Variants in FAM124B observed in about 807,000 individuals in gnomAD.
FAM124B encodes the protein family with sequence similarity 124 member B.
FAM124B carries 18 observed loss-of-function variants against 19.7 expected under a neutral mutation model. The ratio of observed to expected loss-of-function variants is 0.92; its 90% CI spans 0.63 to 1.36. FAM124B has a LOEUF of 1.36. Among genes scored for constraint, FAM124B ranks in the 40% most tolerant of loss-of-function variants. The pLI, the probability that FAM124B is intolerant of heterozygous loss-of-function variation, is 0.00. For missense variants in FAM124B, 540 were observed against 553.3 expected (o/e 0.98, Z 0.24); for synonymous variants, 223 against 225.2 (o/e 0.99, Z 0.09).
At chr2:224,396,813 T>C (rs1689979498) in intron 1 of FAM124B, among the ~76,000 whole-genome samples, 1 of 152,230 alleles carries the variant, frequency 6.6e-6, no homozygotes, top group Non-Finnish European at 1.5e-5. Context: ...GGCAAGGCAC[T>C]TGGAATCCAC....
chr2:224,391,186 C>T (rs913442235), intron 1 of FAM124B, among the ~76,000 whole-genome samples: 1 of 150,202 alleles, frequency 6.7e-6, no homozygotes, highest in Non-Finnish European at 1.5e-5. Context: ...ACTAAAAATA[C>T]GAAAATTAGC....
chr2:224,379,774 G>T lies in FAM124B; in HGVS notation c.1167C>A (p.Ser389Arg). The part of the protein sequence containing the change: ...FGGFPRDLQT[S>R]QPPFCLPASS... ...AGGCTGGCAAGCAGAATGGTGGCTG[G>T]CTGGTCTGTAAATCCCTTGGAAATC... The change falls in exon 2 of 2, where the codon AGC becomes AGA. Residue 389 changes from serine (S) to arginine (R), a missense_variant. By Grantham distance (110) the Ser-to-Arg change is moderately radical (BLOSUM62 -1). Transcript: ENST00000409685. The T allele has an allele frequency of 6.4e-7, 1 of 1,551,666 alleles. No homozygotes were observed.
At chr2:224,385,092 CTTA>C (rs1160896017) in intron 1 of FAM124B, among the ~76,000 whole-genome samples, 1 of 152,144 alleles carries the variant, frequency 6.6e-6, no homozygotes, top group Non-Finnish European at 1.5e-5. Flanking sequence ...CAAACCTCCC[CTTA>C]TTTTCTCTAC....
At chr2:224,394,264 C>T (rs1689934308) in intron 1 of FAM124B, among the ~76,000 whole-genome samples, 1 of 152,098 alleles carries the variant, frequency 6.6e-6, no homozygotes, top group South Asian at 2.1e-4. Context: ...GCCACCAACT[C>T]CACCTATGCC....
intron 1 of FAM124B, among the ~76,000 whole-genome samples, chr2:224,380,697 A>G (rs7564006): frequency 0.14 from 21,231 of 152,306 alleles, 1,566 homozygotes; most frequent in East Asian, 0.24. Flanking sequence ...ATAAAAATAC[A>G]TATCTTGGGC....
In FAM124B at chr2:224,380,040, T is replaced by C. The variant is rs1162974291; in HGVS notation, c.901A>G (p.Ser301Gly). 3.2e-6 allele frequency: 5 copies of C among 1,551,710 alleles called. No homozygotes were observed. In the Admixed American group the frequency reaches 7.8e-5, roughly 24 times the overall value. The change falls in exon 2 of 2, where the codon AGT (serine) becomes GGT (glycine). Residue 301 changes from serine to glycine, a missense_variant. Physicochemically the swap from Ser to Gly is moderately conservative, Grantham distance 56 (BLOSUM62 0). Coordinates refer to ENST00000409685, the MANE Select transcript of FAM124B (RefSeq NM_001122779.2). Reference protein sequence around the residue: ...QGHSLELPEPSGSPTSDRCAG... With the variant: ...QGHSLELPEPGGSPTSDRCAG... ...CACCTGTCTGATGTGGGGCTCCCAC[T>C]GGGCTCAGGAAGCTCCAGAGAATGC...
At chr2:224,390,470 T>C (rs1021673386) in intron 1 of FAM124B, among the ~76,000 whole-genome samples, 1 of 151,884 alleles carries the variant, frequency 6.6e-6, no homozygotes, top group African/African-American at 2.4e-5. Flanking sequence ...AAGGAAAATC[T>C]GCTTGGTTGA....
In FAM124B at chr2:224,390,999, G is replaced by C. The variant is rs1344528739; in HGVS notation, c.732+10038C>G. ...ATTACAGGCATGAGCCACCGCGCCC[G>C]GCCAACAAACTTATTTTTAATTAGA... On this transcript the variant is annotated intron_variant, in intron 1 of 1. Transcript: ENST00000409685. 2.0e-5 allele frequency among the ~76,000 whole-genome samples: 3 copies of C among 148,786 alleles called. No homozygotes were observed. The South Asian group carries it at 6.7e-4, about 33-fold the overall frequency.
At position 224,380,175 on chromosome 2, in the gene FAM124B, C is replaced by A. The variant is rs753965262; in HGVS notation, c.766G>T (p.Gly256Cys). The change falls in exon 2 of 2, where the codon GGC becomes TGC. Residue 256 changes from glycine to cysteine, a missense_variant. By Grantham distance (159) the Gly-to-Cys change is radical. Coordinates refer to ENST00000409685, the MANE Select transcript of FAM124B (RefSeq NM_001122779.2). ...GGAAGCATGCCAGCTCCCAAGATGC[C>A]ATTCTTAACACCAAGTTCTGGATTC... ...QLNPELGVKN[G>C]ILGAGMLPLG... 4 of 1,549,794 alleles carry A rather than the reference C, an allele frequency of 2.6e-6. No homozygotes were observed. The South Asian group carries it at 4.8e-5, about 18-fold the overall frequency.
At chr2:224,384,664 A>G (rs1442794594) in intron 1 of FAM124B, among the ~76,000 whole-genome samples, 3 of 152,116 alleles carry the variant, frequency 2.0e-5, no homozygotes, top group Admixed American at 1.3e-4. Context: ...CAGCAGCACC[A>G]TCGCCCCCAC....
chr2:224,400,429 C>T (rs1374464484), intron 1 of FAM124B: 1 of 694,924 alleles, frequency 1.4e-6, no homozygotes, highest in Admixed American at 2.0e-5. Context: ...TCACTTGAAC[C>T]CAGAAGGTGA....
intron 1 of FAM124B, among the ~76,000 whole-genome samples, chr2:224,390,434 C>A (rs1689862352): frequency 6.6e-6 from 1 of 151,926 alleles, no homozygotes; most frequent in Non-Finnish European, 1.5e-5. Flanking sequence ...CATAGAAAGA[C>A]GGCAAGATAC....
chr2:224,395,878 C>T (rs549778694), intron 1 of FAM124B, among the ~76,000 whole-genome samples: 4 of 152,334 alleles, frequency 2.6e-5, no homozygotes, highest in Non-Finnish European at 5.9e-5. Flanking sequence ...ACAATTGCAC[C>T]GCAGTTACAT....
chr2:224,385,186 G>A (rs150310960), intron 1 of FAM124B, among the ~76,000 whole-genome samples: 15 of 152,168 alleles, frequency 9.9e-5, no homozygotes, highest in African/African-American at 1.2e-4. Flanking sequence ...CTTACACCAC[G>A]CTGGTAATTC....
intron 1 of FAM124B, among the ~76,000 whole-genome samples, chr2:224,388,712 G>T (rs912189900): frequency 2.0e-5 from 3 of 152,184 alleles, no homozygotes; most frequent in Non-Finnish European, 4.4e-5. Flanking sequence ...AGTTAAGATG[G>T]TAAATGTATT....
In FAM124B at chr2:224,380,076, T is replaced by A. The variant is rs1689690727; in HGVS notation, c.865A>T (p.Arg289Trp). ...AGCTCCAGAGAATGCCCCTGGGACCTCTTGCCCTGGTTCCTCTGGCTCCTG... is the reference window on the plus strand; with the variant it reads ...AGCTCCAGAGAATGCCCCTGGGACCACTTGCCCTGGTTCCTCTGGCTCCTG... ...EPRSQRNQGK[R>W]SQGHSLELPE... Residue 289 changes from arginine to tryptophan, a missense_variant, in exon 2 of 2, where the codon AGG becomes TGG. Transcript: ENST00000409685. 6.4e-7 allele frequency: 1 copy of A among 1,551,576 alleles called. No individual in the cohort carries two copies. Among genetic ancestry groups the A allele is most frequent in the African/African-American group, 1.4e-5 (1 of 73,048 alleles).
At chr2:224,397,403 T>C (rs1378155862) in intron 1 of FAM124B, among the ~76,000 whole-genome samples, 1 of 152,164 alleles carries the variant, frequency 6.6e-6, no homozygotes, top group Non-Finnish European at 1.5e-5. Flanking sequence ...AATTGCCCAG[T>C]CTCGGGTATG....
chr2:224,394,649 G>C (rs1302206425), intron 1 of FAM124B, among the ~76,000 whole-genome samples: 1 of 152,012 alleles, frequency 6.6e-6, no homozygotes, highest in East Asian at 1.9e-4. Context: ...GTAATAAATG[G>C]ATTTCTTCAA....
intron 1 of FAM124B, among the ~76,000 whole-genome samples, chr2:224,380,911 C>A (rs1467057234): frequency 6.6e-6 from 1 of 152,130 alleles, no homozygotes; most frequent in Non-Finnish European, 1.5e-5. Flanking sequence ...CTCAGCAAAA[C>A]CCTCACCCTG....
Sources: gnomAD v4.1 joint callset for allele counts (sites outside exome capture counted in the v4.1 genomes callset) on GRCh38, gnomAD v4.1.1 for gene constraint, MANE v1.5 for transcripts, NCBI Gene and HGNC (gene_info 2026-07-23, HGNC 2026-07-21) for gene names.